The following ARID3B variants were observed in gnomAD, a reference collection of about 807,000 sequenced individuals.
ARID3B encodes AT-rich interactive domain-containing protein 3B.
A neutral mutation model predicts 51.9 loss-of-function variants in ARID3B; 10 were observed. That is an observed-to-expected ratio of 0.19 (90% CI 0.12 to 0.33). ARID3B has a LOEUF of 0.33. ARID3B is among the 10% of genes least tolerant of loss of function. The probability of loss-of-function intolerance (pLI) is 1.00; values close to 1 mark genes in which losing one functional copy is unlikely to be tolerated. For missense variants in ARID3B, 483 were observed against 716.3 expected (o/e 0.67, Z 3.72); for synonymous variants, 205 against 279.5 (o/e 0.73, Z 2.66).
intron 4 of ARID3B, 139 bp downstream of exon 4, chr15:74,573,343 AT>A: frequency 4.5e-6 from 4 of 893,088 alleles, no homozygotes; most frequent in Non-Finnish European, 7.3e-6. Flanking sequence ...TTGGTTCTGG[AT>A]TTAGCCAATT....
intron 2 of ARID3B, among the ~76,000 whole-genome samples, chr15:74,549,191 C>CA: frequency 6.6e-6 from 1 of 152,170 alleles, no homozygotes; most frequent in East Asian, 1.9e-4. Flanking sequence ...TCTCCTGCCT[C>CA]AGCCTCCTGA....
At chr15:74,576,294 G>A (rs2080630756) in intron 4 of ARID3B, among the ~76,000 whole-genome samples, 1 of 152,090 alleles carries the variant, frequency 6.6e-6, no homozygotes, top group African/African-American at 2.4e-5. Flanking sequence ...TGTCATAAAT[G>A]TCCCCTGGAG....
intron 8 of ARID3B, among the ~76,000 whole-genome samples, chr15:74,593,720 C>A (rs561412187): frequency 6.6e-6 from 1 of 152,260 alleles, no homozygotes; most frequent in East Asian, 1.9e-4. Flanking sequence ...GATTTCGCAC[C>A]TTTACAGAGT....
At chr15:74,588,678 A>G (rs2061790486) in intron 4 of ARID3B, among the ~76,000 whole-genome samples, 1 of 152,068 alleles carries the variant, frequency 6.6e-6, no homozygotes, top group South Asian at 2.1e-4. Flanking sequence ...CCTCCTGATG[A>G]GCATCCCAGC....
intron 2 of ARID3B, among the ~76,000 whole-genome samples, chr15:74,561,830 G>T (rs898415085): frequency 1.3e-5 from 2 of 152,154 alleles, no homozygotes; most frequent in Non-Finnish European, 2.9e-5. Context: ...TGCACACTCA[G>T]TAGAAACTAC....
intron 8 of ARID3B, among the ~76,000 whole-genome samples, chr15:74,593,485 G>A (rs992611765): frequency 1.3e-5 from 2 of 152,188 alleles, no homozygotes. Context: ...TGGTTGGCTC[G>A]TTAATTGAAG....
intron 4 of ARID3B, among the ~76,000 whole-genome samples, chr15:74,575,577 G>A (rs1377092964): frequency 6.6e-6 from 1 of 152,232 alleles, no homozygotes; most frequent in Non-Finnish European, 1.5e-5. Context: ...CAGCAGTAGA[G>A]AACAGTCTTT....
chr15:74,544,800 C>T (rs894486013), intron 2 of ARID3B, among the ~76,000 whole-genome samples: 5 of 151,258 alleles, frequency 3.3e-5, no homozygotes, highest in Non-Finnish European at 7.4e-5. Context: ...AAGCGATTCT[C>T]CTGCCTCAGT....
intron 2 of ARID3B, among the ~76,000 whole-genome samples, chr15:74,546,366 C>T (rs2061615789): frequency 6.6e-6 from 1 of 152,262 alleles, no homozygotes; most frequent in African/African-American, 2.4e-5. Flanking sequence ...TGGGCTGCCC[C>T]CGCCTTGGCA....
At position 74,544,039 on chromosome 15, in the gene ARID3B, A is replaced by G. The variant is rs763522240; in HGVS notation, c.103A>G (p.Met35Val). The G allele has an allele frequency of 2.5e-6, 4 of 1,613,170 alleles. No homozygotes were observed. Among genetic ancestry groups the G allele is most frequent in the Non-Finnish European group, 3.4e-6 (4 of 1,179,554 alleles). ...TGCCAGAGAGAAGCAGGGCCAGCAG[A>G]TGAGAGAAGCCCAGTTCTTGTATGC... ...MDAREKQGQQ[M>V]REAQFLYAQK... Residue 35 changes from methionine to valine, a missense_variant, in exon 2 of 9, where the codon ATG becomes GTG. Met to Val is a conservative substitution (Grantham distance 21). Transcript: ENST00000346246.
intron 4 of ARID3B, chr15:74,573,516 C>G (rs1016595710): frequency 1.9e-5 from 7 of 371,666 alleles, no homozygotes; most frequent in Non-Finnish European, 3.0e-5. Flanking sequence ...TAAAGCTACC[C>G]TGGACTTCAC....
At chr15:74,559,889 TAC>T (rs1271068116) in intron 2 of ARID3B, among the ~76,000 whole-genome samples, 1 of 151,564 alleles carries the variant, frequency 6.6e-6, no homozygotes, top group African/African-American at 2.4e-5. Flanking sequence ...CTACTATAGA[TAC>T]AGTTTTAAAT....
rs1404425276 is a variant in ARID3B, at chr15:74,596,690, T to C, written c.*916T>C. On this transcript the variant is annotated 3_prime_UTR_variant, in exon 9 of 9. Coordinates refer to ENST00000346246, the MANE Select transcript of ARID3B (RefSeq NM_006465.4). ...GCCTCACCATCCCCACACGTGCCGA[T>C]GTCAGGTTCATTGAAATACCTCAGA... 4.3e-6 allele frequency: 1 copy of C among 233,726 alleles called. No homozygotes were observed. The highest frequency in any genetic ancestry group is 8.5e-6 in the Non-Finnish European group (1 of 118,028). The allele number at this position is 233,726 out of a possible 1,614,324, so 14.5% of individuals were successfully genotyped here.
At position 74,573,108 on chromosome 15, in the gene ARID3B, T is replaced by C. The variant is rs1049624949; in HGVS notation, c.625-24T>C. The C allele has an allele frequency of 4.3e-6, 7 of 1,612,962 alleles. No homozygotes were observed. The Admixed American group carries it at 5.0e-5, about 12-fold the overall frequency. On this transcript the variant is annotated intron_variant, in intron 3 of 8. Coordinates refer to ENST00000346246, the MANE Select transcript of ARID3B (RefSeq NM_006465.4). ...AAGATGGAATTTTTCACTGTGTGTTTTTCTTGGGGGATTGGGATTGCAGCT... is the reference window on the plus strand; with the variant it reads ...AAGATGGAATTTTTCACTGTGTGTTCTTCTTGGGGGATTGGGATTGCAGCT...
intron 4 of ARID3B, among the ~76,000 whole-genome samples, chr15:74,580,381 A>G (rs2061757209): frequency 6.6e-6 from 1 of 152,134 alleles, no homozygotes; most frequent in Non-Finnish European, 1.5e-5. Context: ...ATTATAAACA[A>G]TTTCATTTTT....
intron 2 of ARID3B, among the ~76,000 whole-genome samples, chr15:74,556,344 A>G (rs1164187044): frequency 6.6e-6 from 1 of 152,212 alleles, no homozygotes; most frequent in Non-Finnish European, 1.5e-5. Context: ...GAAGTTTGAT[A>G]TCTTATATGG....
At chr15:74,586,724 T>A (rs1199631153) in intron 4 of ARID3B, among the ~76,000 whole-genome samples, 1 of 152,188 alleles carries the variant, frequency 6.6e-6, no homozygotes, top group Non-Finnish European at 1.5e-5. Flanking sequence ...TAGGTTAATT[T>A]ATTAACACTA....
At chr15:74,550,601 G>T (rs772936048) in intron 2 of ARID3B, among the ~76,000 whole-genome samples, 1 of 151,760 alleles carries the variant, frequency 6.6e-6, no homozygotes, top group Admixed American at 6.6e-5. Context: ...AAGCTACTCC[G>T]GAGGCTGAGG....
chr15:74,560,862 A>G (rs985572898), intron 2 of ARID3B, among the ~76,000 whole-genome samples: 2 of 152,216 alleles, frequency 1.3e-5, no homozygotes, highest in Non-Finnish European at 2.9e-5. Flanking sequence ...GTGTCTATGT[A>G]TATGTTAGCT....
Sources: allele counts gnomAD v4.1 joint callset (sites outside exome capture counted in the v4.1 genomes callset), GRCh38; gene constraint gnomAD v4.1.1; transcripts MANE v1.5; gene names NCBI Gene and HGNC (gene_info 2026-07-23, HGNC 2026-07-21).